The following FAM227B variants were observed in gnomAD, a reference collection of about 807,000 sequenced individuals.
FAM227B encodes the protein family with sequence similarity 227 member B.
Under a neutral mutation model 73.8 loss-of-function variants are expected in FAM227B, and 88 were observed. The ratio of observed to expected loss-of-function variants is 1.19; its 90% CI spans 1.00 to 1.42. The LOEUF (loss-of-function observed/expected upper bound fraction) is 1.42, where lower values mean the gene tolerates loss of function less well. FAM227B is among the 40% of genes most tolerant of loss of function. The pLI, the probability that FAM227B is intolerant of heterozygous loss-of-function variation, is 0.00. For missense variants in FAM227B, 632 were observed against 590.9 expected (o/e 1.07, Z -0.72); for synonymous variants, 210 against 190.5 (o/e 1.10, Z -0.84).
intron 3 of FAM227B, among the ~76,000 whole-genome samples, chr15:49,605,115 G>C (rs967144493): frequency 5.9e-5 from 9 of 152,034 alleles, no homozygotes; most frequent in Admixed American, 2.6e-4. Context: ...TTTGATGTCT[G>C]CACATCTGAA....
chr15:49,511,377 A>G (rs2058987045), intron 10 of FAM227B, among the ~76,000 whole-genome samples: 1 of 152,178 alleles, frequency 6.6e-6, no homozygotes, highest in Non-Finnish European at 1.5e-5. Flanking sequence ...ACTTGTTCAA[A>G]ACTAGTTTCC....
chr15:49,328,391 T>C lies in FAM227B; in HGVS notation c.*177A>G. ...AGAGCCAAGATCATGCTTGGACAGATCTTTTAAGAATAACTTACTGAGATT... is the reference window on the plus strand; with the variant it reads ...AGAGCCAAGATCATGCTTGGACAGACCTTTTAAGAATAACTTACTGAGATT... On this transcript the variant is annotated 3_prime_UTR_variant, in exon 16 of 16. Transcript: ENST00000299338. 1 of 1,430,314 alleles carries C rather than the reference T, an allele frequency of 7.0e-7. No homozygotes were observed. The highest frequency in any genetic ancestry group is 9.1e-7 in the Non-Finnish European group (1 of 1,095,792). 88.6% of individuals were successfully genotyped at this position (1,430,314 alleles called of 1,614,324 possible).
intron 10 of FAM227B, among the ~76,000 whole-genome samples, chr15:49,510,722 G>C (rs967095907): frequency 6.6e-6 from 1 of 151,974 alleles, no homozygotes; most frequent in East Asian, 1.9e-4. Flanking sequence ...ATTAATTTAC[G>C]CCTTATTTTG....
At chr15:49,351,427 T>C (rs1328617224) in intron 13 of FAM227B, among the ~76,000 whole-genome samples, 1 of 152,210 alleles carries the variant, frequency 6.6e-6, no homozygotes, top group Non-Finnish European at 1.5e-5. Flanking sequence ...GATCTTACCA[T>C]AGGACAATGT....
At chr15:49,350,804 A>G (rs115379735) in intron 13 of FAM227B, among the ~76,000 whole-genome samples, 1 of 152,166 alleles carries the variant, frequency 6.6e-6, no homozygotes, top group African/African-American at 2.4e-5. Context: ...GCTCTCTAAG[A>G]TATGCGAGCC....
rs538606495 is a variant in FAM227B, at chr15:49,566,992, C to T, written c.747+1253G>A. Reference sequence around the variant, plus strand: ...AAGAATGGGGGATACACAATGTTACCACCATTTTATTCTTTGTCCATATTT... The same window carrying T: ...AAGAATGGGGGATACACAATGTTACTACCATTTTATTCTTTGTCCATATTT... On this transcript the variant is annotated intron_variant, in intron 9 of 15. Transcript: ENST00000299338. Among the ~76,000 whole-genome samples, 134 of 152,162 alleles carry T rather than the reference C, an allele frequency of 8.8e-4. 5 individuals carry two copies. The South Asian group carries it at 0.027, about 30-fold the overall frequency.
At chr15:49,398,545 A>G (rs2047876907) in intron 11 of FAM227B, among the ~76,000 whole-genome samples, 1 of 111,586 alleles carries the variant, frequency 9.0e-6, no homozygotes, top group Non-Finnish European at 1.8e-5. Context: ...CAGAATATAC[A>G]TTTTTTTCAG....
At chr15:49,357,398 G>C (rs2043345626) in intron 13 of FAM227B, among the ~76,000 whole-genome samples, 1 of 148,970 alleles carries the variant, frequency 6.7e-6, no homozygotes, top group Non-Finnish European at 1.5e-5. Flanking sequence ...AATGATAAAG[G>C]GGATATCACC....
chr15:49,550,266 T>G, intron 9 of FAM227B, among the ~76,000 whole-genome samples: 2 of 123,544 alleles, frequency 1.6e-5, no homozygotes, highest in South Asian at 2.9e-4. Context: ...GGCTCCTCAC[T>G]TCCCAGTAGG....
intron 5 of FAM227B, among the ~76,000 whole-genome samples, chr15:49,582,385 GA>G (rs1205705769): frequency 6.6e-6 from 1 of 151,644 alleles, no homozygotes; most frequent in Non-Finnish European, 1.5e-5. Flanking sequence ...AAAGACAAGG[GA>G]ATTACATAAT....
At chr15:49,364,779 A>T (rs1280539331) in intron 13 of FAM227B, among the ~76,000 whole-genome samples, 1 of 152,168 alleles carries the variant, frequency 6.6e-6, no homozygotes, top group Non-Finnish European at 1.5e-5. Context: ...ACTCACTTTG[A>T]TAGTAATACT....
At chr15:49,398,438 A>G (rs2047866685) in intron 11 of FAM227B, among the ~76,000 whole-genome samples, 1 of 128,088 alleles carries the variant, frequency 7.8e-6, no homozygotes, top group Non-Finnish European at 1.6e-5. Context: ...AGACAGATCA[A>G]CGAGACAGAA....
chr15:49,441,048 A>G (rs558188558), intron 11 of FAM227B, among the ~76,000 whole-genome samples: 1 of 151,902 alleles, frequency 6.6e-6, no homozygotes, highest in African/African-American at 2.4e-5. Context: ...TAACACTTAA[A>G]TACTTATGAA....
At chr15:49,366,803 C>A in intron 13 of FAM227B, 1 of 564,768 alleles carries the variant, frequency 1.8e-6, no homozygotes, top group Non-Finnish European at 3.1e-6. Flanking sequence ...GGGATCGCCG[C>A]TGCTGCAGGG....
intron 9 of FAM227B, among the ~76,000 whole-genome samples, chr15:49,554,393 T>C: frequency 6.6e-6 from 1 of 152,204 alleles, no homozygotes; most frequent in Non-Finnish European, 1.5e-5. Flanking sequence ...GCAGTCCTTA[T>C]GGCCTAGACT....
chr15:49,438,971 C>G lies in FAM227B; in HGVS notation c.1013-67572G>C, dbSNP rs141585694. Among the ~76,000 whole-genome samples the G allele has an allele frequency of 7.1e-3, 1,075 of 151,572 alleles. 4 individuals are homozygous for G. Among genetic ancestry groups the G allele is most frequent in the Non-Finnish European group, 9.8e-3 (661 of 67,742 alleles). On this transcript the variant is annotated intron_variant, in intron 11 of 15. Transcript: ENST00000299338. ...TTACCTAAAATTTACCAGCTTAAAA[C>G]AGTATTTATTATCTTGCAGTTTCAG... is the stretch of plus-strand genomic sequence containing the variant.
intron 13 of FAM227B, among the ~76,000 whole-genome samples, chr15:49,344,837 T>C (rs1265492932): frequency 6.6e-6 from 1 of 152,220 alleles, no homozygotes; most frequent in Non-Finnish European, 1.5e-5. Context: ...AAGTTACTTT[T>C]AATGCCCGTC....
chr15:49,435,586 C>G (rs913608832), intron 11 of FAM227B, among the ~76,000 whole-genome samples: 3 of 151,538 alleles, frequency 2.0e-5, no homozygotes, highest in Admixed American at 2.0e-4. Context: ...TTAACAGGCA[C>G]ACAGAAGTGC....
At chr15:49,410,109 C>T (rs2048773717) in intron 11 of FAM227B, among the ~76,000 whole-genome samples, 1 of 152,114 alleles carries the variant, frequency 6.6e-6, no homozygotes, top group Admixed American at 6.6e-5. Context: ...ACTGTACTCT[C>T]ACTTCGGATC....
Sources: gnomAD v4.1 joint callset for allele counts (sites outside exome capture counted in the v4.1 genomes callset) on GRCh38, gnomAD v4.1.1 for gene constraint, MANE v1.5 for transcripts, NCBI Gene and HGNC (gene_info 2026-07-23, HGNC 2026-07-21) for gene names.